The following CCDC88C variants were observed in gnomAD, a reference collection of about 807,000 sequenced individuals.
CCDC88C encodes the protein coiled-coil and HOOK domain protein 88C.
CCDC88C carries 131 observed loss-of-function variants against 198.8 expected under a neutral mutation model. The ratio of observed to expected loss-of-function variants is 0.66; its 90% confidence interval spans 0.57 to 0.76. CCDC88C has a LOEUF of 0.76. Among genes scored for constraint, CCDC88C ranks in the 30% least tolerant of loss-of-function variants. The pLI is 0.00. For missense variants in CCDC88C, 2,553 were observed against 2,631.6 expected, an observed-to-expected ratio of 0.97 and a Z score of 0.65; for synonymous variants, 1,166 against 1,114.7, an observed-to-expected ratio of 1.05 and a Z score of -0.92.
At position 91,352,114 on chromosome 14, in the gene CCDC88C, A is replaced by C. The variant is rs1893837164; in HGVS notation, c.340+7528T>G. 6.6e-6 allele frequency among the ~76,000 whole-genome samples: 1 copy of C among 152,144 alleles called. No individual in the cohort carries two copies. Among genetic ancestry groups the C allele is most frequent in the Non-Finnish European group, 1.5e-5 (1 of 68,012 alleles). On this transcript the variant is annotated intron_variant, in intron 4 of 29. Coordinates refer to ENST00000389857, the MANE Select transcript of CCDC88C (RefSeq NM_001080414.4). The surrounding 1 kb of genome is among the most constrained non-coding windows in gnomAD (Gnocchi z 4.2). ...CCCAACCACCACGTGGAAAACTCAAACATAAAGACCTTTGACAAATAGCAT... is the reference window on the plus strand; with the variant it reads ...CCCAACCACCACGTGGAAAACTCAACCATAAAGACCTTTGACAAATAGCAT...
At chr14:91,391,607 C>T (rs1332178697) in intron 3 of CCDC88C, among the ~76,000 whole-genome samples, 13 of 152,020 alleles carry the variant, frequency 8.6e-5, no homozygotes, top group African/African-American at 2.7e-4. Flanking sequence ...GGTGAAACCC[C>T]GTCTCTACCA....
At chr14:91,366,593 C>T (rs1465099801) in intron 3 of CCDC88C, among the ~76,000 whole-genome samples, 2 of 152,230 alleles carry the variant, frequency 1.3e-5, no homozygotes, top group Non-Finnish European at 2.9e-5. Flanking sequence ...AATTCACCAA[C>T]TATCCAAGAT....
Position 91,376,612 on chromosome 14 carries a change from C to G in CCDC88C, c.271-16901G>C, listed in dbSNP as rs543312441. On this transcript the variant is annotated intron_variant, in intron 3 of 29. Coordinates refer to ENST00000389857, the MANE Select transcript of CCDC88C (RefSeq NM_001080414.4). ...AGAGGTGAGAAGGAATGCCGGGAAGCCTGCAGCTGGGCATCCTGAGAGCCA... is the reference window on the plus strand; with the variant it reads ...AGAGGTGAGAAGGAATGCCGGGAAGGCTGCAGCTGGGCATCCTGAGAGCCA... Among the ~76,000 whole-genome samples the G allele has an allele frequency of 2.0e-5, 3 of 152,322 alleles. No homozygotes were observed. The South Asian group carries it at 6.2e-4, about 32-fold the overall frequency.
chr14:91,279,272 G>A lies in CCDC88C; in HGVS notation c.4734C>T (p.Asn1578=). 6.2e-7 allele frequency: 1 copy of A among 1,602,868 alleles called. No individual in the cohort carries two copies. The highest frequency in any genetic ancestry group is 1.1e-5 in the South Asian group (1 of 88,984). ...TAAGAGGTGAGCTGTTGCTGGATGT[G>A]TTTCTACTGCTCTCTAAGCTACTTG... ...SRPSSLESSR[N]TSSNSSPLNL... is the part of the protein sequence containing the mutation. The change falls in exon 28 of 30, where the codon AAC becomes AAT. Residue 1578 remains asparagine (N), a synonymous_variant. Coordinates refer to ENST00000389857, the MANE Select transcript of CCDC88C (RefSeq NM_001080414.4).
intron 3 of CCDC88C, among the ~76,000 whole-genome samples, chr14:91,374,269 G>A (rs1894973263): frequency 6.6e-6 from 1 of 152,238 alleles, no homozygotes; most frequent in Non-Finnish European, 1.5e-5. Flanking sequence ...TAGACACACT[G>A]TGTCTATTAC....
At chr14:91,399,914 A>G (rs780529491) in intron 3 of CCDC88C, among the ~76,000 whole-genome samples, 16 of 150,058 alleles carry the variant, frequency 1.1e-4, no homozygotes, top group Middle Eastern at 3.6e-3. Context: ...CTGGAGCCTC[A>G]CCCCCATACC....
In CCDC88C at chr14:91,303,933, G is replaced by A. The variant is rs1891449158; in HGVS notation, c.3403C>T (p.Gln1135Ter). Residue 1135 changes from glutamine to a stop codon, truncating the protein, a stop_gained, in exon 20 of 30, where the codon CAG becomes TAG. Transcript: ENST00000389857. LOFTEE classifies it high-confidence loss of function. ...TGGTGGTTCTGCAGCAGCGTGTACT[G>A]CGCGGTGAGCGCTGCGCTCTGGGAA... Reference protein sequence around the residue: ...LSSQSAALTAQYTLLQNHHTA... With the variant: ...LSSQSAALTA 6.2e-7 allele frequency: 1 copy of A among 1,610,532 alleles called. No individual in the cohort carries two copies. Among genetic ancestry groups the A allele is most frequent in the Non-Finnish European group, 8.5e-7 (1 of 1,179,830 alleles).
At chr14:91,347,834 G>GTA (rs1438371994) in intron 4 of CCDC88C, among the ~76,000 whole-genome samples, 1 of 152,164 alleles carries the variant, frequency 6.6e-6, no homozygotes, top group African/African-American at 2.4e-5. Context: ...CCATTACTGG[G>GTA]TATATACCCA....
In CCDC88C at chr14:91,322,904, C is replaced by CTTTTTTT. The variant is rs35728972; in HGVS notation, c.1343-1607_1343-1601dup. ...TTACTACTAAAACGCCAGTGTTTCTCTTTTTTTTTTTTTTTTTTTGAGACA... is the reference window on the plus strand; with the variant it reads ...TTACTACTAAAACGCCAGTGTTTCTCTTTTTTTTTTTTTTTTTTTTTTTTTTGAGACA... On this transcript the variant is annotated intron_variant, in intron 12 of 29. Transcript: ENST00000389857. Among the ~76,000 whole-genome samples the CTTTTTTT allele has an allele frequency of 1.6e-3, 208 of 127,498 alleles. 1 individual carries two copies. The highest frequency in any genetic ancestry group is 4.0e-3 in the African/African-American group (138 of 34,388). 83.6% of individuals were successfully genotyped at this position (127,498 alleles called of 152,430 possible).
chr14:91,357,030 G>C (rs943903108), intron 4 of CCDC88C, among the ~76,000 whole-genome samples: 1 of 152,170 alleles, frequency 6.6e-6, no homozygotes, highest in African/African-American at 2.4e-5. Context: ...CTGGATATTG[G>C]CAATTGCCTA....
intron 4 of CCDC88C, among the ~76,000 whole-genome samples, chr14:91,350,163 CTTT>C (rs761445863): frequency 6.9e-6 from 1 of 144,334 alleles, no homozygotes; most frequent in Non-Finnish European, 1.5e-5. Flanking sequence ...TCAGAAGACA[CTTT>C]TTTTTTTTTT....
chr14:91,273,236 G>C lies in CCDC88C; in HGVS notation c.5476C>G (p.Pro1826Ala). The change falls in exon 30 of 30, where the codon CCT (proline) becomes GCT (alanine). Residue 1826 changes from proline to alanine, a missense_variant. Physicochemically the swap from Pro to Ala is conservative, Grantham distance 27 (BLOSUM62 -1). This residue lies in a region of CCDC88C where 1,293 missense variants were observed against 1,219.6 expected (regional missense o/e 1.06). Coordinates refer to ENST00000389857, the MANE Select transcript of CCDC88C (RefSeq NM_001080414.4). This position sits in a 1 kb window ranked among gnomAD's most constrained non-coding sequence, Gnocchi z 5.6. ...GCCTCAGGAGCCCCCAGCTTCTGAG[G>C]GGACTCCTGTTTGCAGGCCTCTGGC... ...SGPEACKQES[P>A]QKLGAPEALG... 1 of 1,560,414 alleles carries C rather than the reference G, an allele frequency of 6.4e-7. No individual in the cohort carries two copies. Among genetic ancestry groups the C allele is most frequent in the Non-Finnish European group, 8.7e-7 (1 of 1,152,198 alleles).
intron 2 of CCDC88C, among the ~76,000 whole-genome samples, chr14:91,409,510 C>T (rs542782885): frequency 9.9e-5 from 13 of 131,560 alleles, no homozygotes; most frequent in South Asian, 9.7e-4. Flanking sequence ...TTTTTTGAGA[C>T]GGAGTCTTGC....
At chr14:91,384,055 C>G (rs1884974636) in intron 3 of CCDC88C, among the ~76,000 whole-genome samples, 1 of 152,190 alleles carries the variant, frequency 6.6e-6, no homozygotes, top group Admixed American at 6.5e-5. Context: ...GGCACCACAT[C>G]TGGGTACCAA....
rs1476231559 is a variant in CCDC88C at position 91,273,519 on chromosome 14, G to C, written c.5193C>G (p.Pro1731=). Residue 1731 remains proline, a synonymous_variant, in exon 30 of 30, where the codon CCC becomes CCG. Coordinates refer to ENST00000389857, the MANE Select transcript of CCDC88C (RefSeq NM_001080414.4). This position sits in a 1 kb window ranked among gnomAD's most constrained non-coding sequence, Gnocchi z 5.6. Reference sequence around the variant, plus strand: ...AGGTGGGGGCGGCCATTTTGACGGTGGGGGCCACAAAGTTGGTGGGCATCT... The same window carrying C: ...AGGTGGGGGCGGCCATTTTGACGGTCGGGGCCACAAAGTTGGTGGGCATCT... ...GAKMPTNFVA[P]TVKMAAPTSE... is the part of the protein sequence containing the mutation. 6.5e-7 allele frequency: 1 copy of C among 1,537,066 alleles called. No individual in the cohort carries two copies. The highest frequency in any genetic ancestry group is 1.4e-5 in the African/African-American group (1 of 71,846).
chr14:91,282,572 G>A (rs1277080070), intron 26 of CCDC88C, among the ~76,000 whole-genome samples: 1 of 152,138 alleles, frequency 6.6e-6, no homozygotes, highest in Admixed American at 6.5e-5. Flanking sequence ...CACCCGGCAA[G>A]ATCTGACTGA....
Position 91,272,994 on chromosome 14 carries a change from G to C in CCDC88C, c.5718C>G (p.Pro1906=), listed in dbSNP as rs756166689. ...LAPLHQSATA[P]AIATAGAGAA... is the part of the protein sequence containing the mutation. ...CACCAGCACCTGCAGTGGCAATGGC[G>C]GGGGCTGTGGCAGACTGATGCAGGG... The change falls in exon 30 of 30, where the codon CCC becomes CCG. Residue 1906 remains proline (P), a synonymous_variant. Coordinates refer to ENST00000389857, the MANE Select transcript of CCDC88C (RefSeq NM_001080414.4). The C allele has an allele frequency of 3.2e-6, 5 of 1,552,844 alleles. No homozygotes were observed. In the African/African-American group the frequency reaches 4.1e-5, roughly 13 times the overall value.
chr14:91,377,901 T>C (rs1166981600), intron 3 of CCDC88C, among the ~76,000 whole-genome samples: 1 of 151,360 alleles, frequency 6.6e-6, no homozygotes, highest in African/African-American at 2.4e-5. Context: ...CTCCTCCTTC[T>C]AGGAAGGCTT....
At position 91,293,400 on chromosome 14, in the gene CCDC88C, C is replaced by T. The variant is rs1890794959; in HGVS notation, c.4112+773G>A. Among the ~76,000 whole-genome samples the T allele has an allele frequency of 4.3e-5, 2 of 46,198 alleles. 1 individual carries two copies. 30.3% of individuals were successfully genotyped at this position (46,198 alleles called of 152,430 possible). On this transcript the variant is annotated intron_variant, in intron 23 of 29. Coordinates refer to ENST00000389857, the MANE Select transcript of CCDC88C (RefSeq NM_001080414.4). Reference sequence around the variant, plus strand: ...TGCCCCCTCGCCTGCCACAGCCCACCTTCCTGCCCCCTCACCTGCCACGGC... The same window carrying T: ...TGCCCCCTCGCCTGCCACAGCCCACTTTCCTGCCCCCTCACCTGCCACGGC...
Sources: allele counts gnomAD v4.1 joint callset (sites outside exome capture counted in the v4.1 genomes callset), GRCh38; gene constraint gnomAD v4.1.1; regional missense constraint gnomAD v4.1.1; non-coding constraint Gnocchi (gnomAD v3.1); transcripts MANE v1.5; gene names NCBI Gene and HGNC (gene_info 2026-07-23, HGNC 2026-07-21).